The following MIGA1 variants were observed in gnomAD, a reference collection of about 807,000 sequenced individuals.
MIGA1 encodes the protein family with sequence similarity 73, member A.
MIGA1 carries 58 observed loss-of-function variants against 82.0 expected under a neutral mutation model. The ratio of observed to expected loss-of-function variants is 0.71; its 90% CI spans 0.57 to 0.88. MIGA1 has a LOEUF of 0.88. Among genes scored for constraint, MIGA1 ranks in the 40% least tolerant of loss-of-function variants. The probability of loss-of-function intolerance (pLI) is 0.00; values close to 1 mark genes in which losing one functional copy is unlikely to be tolerated. For missense variants in MIGA1, 751 were observed against 749.1 expected, an observed-to-expected ratio of 1.00 and a Z score of -0.03; for synonymous variants, 249 against 253.6, an observed-to-expected ratio of 0.98 and a Z score of 0.17.
rs1054704016 is a variant in MIGA1 at position 77,876,169 on chromosome 1, G to T, written c.*1105G>T. On this transcript the variant is annotated 3_prime_UTR_variant, in exon 16 of 16. Transcript: ENST00000370791. Reference sequence around the variant, plus strand: ...TAATTAAATTAAATTAATTAGTTGGGTGTGGTGGCATGTGTCTGTGGTCCC... The same window carrying T: ...TAATTAAATTAAATTAATTAGTTGGTTGTGGTGGCATGTGTCTGTGGTCCC... The T allele has an allele frequency of 1.3e-5, 2 of 152,076 alleles. No homozygotes were observed. The highest frequency in any genetic ancestry group is 2.9e-5 in the Non-Finnish European group (2 of 68,098). 9.4% of individuals were successfully genotyped at this position (152,076 alleles called of 1,614,324 possible).
At chr1:77,855,232 T>G (rs1019755944) in intron 8 of MIGA1, among the ~76,000 whole-genome samples, 1 of 152,236 alleles carries the variant, frequency 6.6e-6, no homozygotes, top group Non-Finnish European at 1.5e-5. Context: ...ATGTGTTCTC[T>G]CTTCTGTTCC....
At chr1:77,862,657 C>T (rs1023515118) in intron 12 of MIGA1, among the ~76,000 whole-genome samples, 2 of 151,414 alleles carry the variant, frequency 1.3e-5, no homozygotes, top group African/African-American at 2.4e-5. Context: ...GAGCGAGACT[C>T]CGTCACACAC....
rs776369788 is a variant in MIGA1, at chr1:77,813,782, C to A, written c.686C>A (p.Thr229Asn). 2.5e-6 allele frequency: 4 copies of A among 1,614,168 alleles called. No homozygotes were observed. The South Asian group carries it at 4.4e-5, about 18-fold the overall frequency. ...TTGCGTCGATGGGAACAAGCTCTGA[C>A]CTTTCGCAATAGACAGGCTGAAGAT... The change falls in exon 6 of 16, where the codon ACC becomes AAC. Residue 229 changes from threonine to asparagine, a missense_variant. By Grantham distance (65) the Thr-to-Asn change is moderately conservative (BLOSUM62 0). Transcript: ENST00000370791.
chr1:77,786,350 A>C (rs1682161387), intron 2 of MIGA1, among the ~76,000 whole-genome samples: 1 of 152,158 alleles, frequency 6.6e-6, no homozygotes, highest in Non-Finnish European at 1.5e-5. Flanking sequence ...CATTTTCCCC[A>C]TTATCTTGGG....
At chr1:77,858,909 T>C in intron 8 of MIGA1, 29 bp from the exon 9 acceptor site, 1 of 1,311,864 alleles carries the variant, frequency 7.6e-7, no homozygotes, top group South Asian at 1.2e-5. Context: ...ACCTAGCCTG[T>C]ATTCTGTTCT....
At chr1:77,804,894 T>C (rs1486763855) in intron 4 of MIGA1, among the ~76,000 whole-genome samples, 1 of 152,112 alleles carries the variant, frequency 6.6e-6, no homozygotes, top group African/African-American at 2.4e-5. Context: ...CCCAAACTGC[T>C]AGGATTACAG....
At chr1:77,816,996 T>G (rs949595390) in intron 7 of MIGA1, among the ~76,000 whole-genome samples, 2 of 152,238 alleles carry the variant, frequency 1.3e-5, no homozygotes, top group Non-Finnish European at 2.9e-5. Flanking sequence ...ACTCTAGGAA[T>G]GGAGGCTTTG....
chr1:77,818,804 G>A (rs1683680198), intron 7 of MIGA1, among the ~76,000 whole-genome samples: 2 of 152,012 alleles, frequency 1.3e-5, no homozygotes, highest in African/African-American at 4.8e-5. Context: ...TGTTGGCTGG[G>A]CGTGGTGGCT....
intron 5 of MIGA1, among the ~76,000 whole-genome samples, chr1:77,809,904 TA>T (rs903450629): frequency 1.4e-4 from 21 of 150,336 alleles, no homozygotes; most frequent in African/African-American, 4.9e-4. Flanking sequence ...TCTACCTATA[TA>T]AAAAAAATAG....
chr1:77,834,880 A>T (rs1388228225), intron 7 of MIGA1, among the ~76,000 whole-genome samples: 1 of 152,224 alleles, frequency 6.6e-6, no homozygotes, highest in Admixed American at 6.5e-5. Flanking sequence ...GCTGAATATC[A>T]CCTGGAGAAA....
chr1:77,851,591 G>T (rs1685052358), intron 8 of MIGA1, among the ~76,000 whole-genome samples: 1 of 152,140 alleles, frequency 6.6e-6, no homozygotes, highest in Non-Finnish European at 1.5e-5. Flanking sequence ...GTTTAAAAAA[G>T]TTTAAGATTA....
intron 7 of MIGA1, among the ~76,000 whole-genome samples, chr1:77,825,022 T>A (rs1269888386): frequency 7.2e-6 from 1 of 139,438 alleles, no homozygotes; most frequent in Non-Finnish European, 1.5e-5. Context: ...AGGGCCTTGC[T>A]CTGATGCCCA....
Position 77,873,121 on chromosome 1 carries a change from G to A in MIGA1, c.1680+1G>A, listed in dbSNP as rs1328837401. The A allele has an allele frequency of 6.2e-7, 1 of 1,610,590 alleles. No homozygotes were observed. The highest frequency in any genetic ancestry group is 1.7e-5 in the Admixed American group (1 of 59,672). ...GTATGATTTATGTTGCTTTTTTAAG[G>A]TATGTTCAGTCATTGAATCATTTCT... On this transcript the variant is annotated splice_donor_variant, in intron 15 of 15. Transcript: ENST00000370791. LOFTEE classifies it high-confidence loss of function.
chr1:77,853,638 C>A (rs866763163), intron 8 of MIGA1: 2 of 193,340 alleles, frequency 1.0e-5, no homozygotes, highest in Non-Finnish European at 2.1e-5. Flanking sequence ...ATGATTGTGC[C>A]ACTGCACTAT....
rs79662789 is a variant in MIGA1 at position 77,819,197 on chromosome 1, A to G, written c.895+3966A>G. ...GGGGAAAGTGAAGTACAGAGGCATT[A>G]ATAACTTCCCCAGGGTTACACAGCT... On this transcript the variant is annotated intron_variant, in intron 7 of 15. Coordinates refer to ENST00000370791, the MANE Select transcript of MIGA1 (RefSeq NM_198549.4). Among the ~76,000 whole-genome samples the G allele has an allele frequency of 2.4e-3, 365 of 152,278 alleles. 3 individuals are homozygous for G. Among genetic ancestry groups the G allele is most frequent in the East Asian group, 5.0e-3 (26 of 5,188 alleles).
intron 5 of MIGA1, among the ~76,000 whole-genome samples, chr1:77,810,071 T>G (rs1469210478): frequency 6.6e-6 from 1 of 150,830 alleles, no homozygotes; most frequent in East Asian, 1.9e-4. Context: ...TAGAAGACAT[T>G]GTAAACCCAT....
chr1:77,835,995 C>T (rs868832593), intron 7 of MIGA1, among the ~76,000 whole-genome samples: 4 of 151,750 alleles, frequency 2.6e-5, no homozygotes, highest in Non-Finnish European at 2.9e-5. Flanking sequence ...AGAAATTTAA[C>T]AGGGTTCTGA....
At chr1:77,856,117 T>C (rs2101925420) in intron 8 of MIGA1, among the ~76,000 whole-genome samples, 1 of 152,344 alleles carries the variant, frequency 6.6e-6, no homozygotes, top group East Asian at 1.9e-4. Flanking sequence ...TGCTGGATTT[T>C]GTCAAATGCT....
In MIGA1 at chr1:77,862,812, A is replaced by C. The variant is rs1685510790; in HGVS notation, c.1375-1082A>C. The stretch of plus-strand genomic sequence containing the variant: ...AAAAATTAGCCAGGCATGGTGGTGC[A>C]TGCCTGTAATCCCAGCTACTCAGGA... On this transcript the variant is annotated intron_variant, in intron 12 of 15. Transcript: ENST00000370791. Among the ~76,000 whole-genome samples the C allele has an allele frequency of 3.9e-5, 6 of 151,938 alleles. No individual in the cohort carries two copies. The South Asian group carries it at 1.2e-3, about 32-fold the overall frequency.
Sources: gnomAD v4.1 joint callset for allele counts (sites outside exome capture counted in the v4.1 genomes callset) on GRCh38, gnomAD v4.1.1 for gene constraint, MANE v1.5 for transcripts, NCBI Gene and HGNC (gene_info 2026-07-23, HGNC 2026-07-21) for gene names.